PKNOX2: variants seen among roughly 807,000 people sequenced by gnomAD.
The protein encoded by PKNOX2 is PBX/knotted 1 homeobox 2.
PKNOX2 carries 14 observed loss-of-function variants against 53.1 expected under a neutral mutation model. The ratio of observed to expected loss-of-function variants is 0.26; its 90% CI spans 0.17 to 0.41. The LOEUF is 0.41. Ranked by LOEUF, PKNOX2 falls within the 10% of genes least tolerant of loss-of-function variation. The pLI, the probability that PKNOX2 is intolerant of heterozygous loss-of-function variation, is 1.00. For synonymous variants in PKNOX2, 257 were observed against 242.8 expected, an observed-to-expected ratio of 1.06 and a Z score of -0.54; for missense variants, 496 against 602.8, an observed-to-expected ratio of 0.82 and a Z score of 1.85.
At chr11:125,416,302 C>CAAAAAAA (rs61354494) in intron 10 of PKNOX2, among the ~76,000 whole-genome samples, 9 of 70,444 alleles carry the variant, frequency 1.3e-4, no homozygotes, top group South Asian at 6.1e-4. Context: ...GACGCCGTCT[C>CAAAAAAA]AAAAAAAAAA....
rs1016711585 is a variant in PKNOX2 at position 125,388,650 on chromosome 11, T to C, written c.399+2928T>C. On this transcript the variant is annotated intron_variant, in intron 6 of 12. Transcript: ENST00000298282. ...TCTCCCAGGCCCTGTAAGCCTGTGG[T>C]CTCCAGCCCCAACAAGCCCCGCATT... Among the ~76,000 whole-genome samples the C allele has an allele frequency of 6.6e-5, 10 of 151,880 alleles. 1 individual carries two copies. The highest frequency in any genetic ancestry group is 2.4e-4 in the African/African-American group (10 of 41,360).
At chr11:125,409,104 G>C (rs1955306902) in intron 7 of PKNOX2, among the ~76,000 whole-genome samples, 1 of 152,128 alleles carries the variant, frequency 6.6e-6, no homozygotes, top group African/African-American at 2.4e-5. Flanking sequence ...ACTCAGGCAG[G>C]CCTCCTGAGG....
At chr11:125,302,352 A>C (rs916488820) in intron 2 of PKNOX2, among the ~76,000 whole-genome samples, 1 of 152,194 alleles carries the variant, frequency 6.6e-6, no homozygotes, top group Non-Finnish European at 1.5e-5. Flanking sequence ...AGCCCCTGAC[A>C]ATCAAGTGAG....
intron 1 of PKNOX2, among the ~76,000 whole-genome samples, chr11:125,221,521 C>T (rs936443565): frequency 6.6e-6 from 1 of 152,102 alleles, no homozygotes; most frequent in Admixed American, 6.5e-5. Flanking sequence ...GCAGCCACGC[C>T]GTTTAGTGTT....
chr11:125,179,131 T>C (rs1040358247), intron 1 of PKNOX2, among the ~76,000 whole-genome samples: 2 of 152,172 alleles, frequency 1.3e-5, no homozygotes, highest in African/African-American at 4.8e-5. Flanking sequence ...TGAGGATTTA[T>C]TCATTCTTTC....
chr11:125,426,973 G>A lies in PKNOX2; in HGVS notation c.937-2039G>A, dbSNP rs138206050. Among the ~76,000 whole-genome samples the A allele has an allele frequency of 7.3e-3, 1,105 of 152,346 alleles. 15 individuals are homozygous for A. The highest frequency in any genetic ancestry group is 0.024 in the African/African-American group (1,013 of 41,572). The stretch of plus-strand genomic sequence containing the variant: ...CGCGAGGACAGGCAGGAGGAAGCGC[G>A]CTCCAGAGGAGGGCCAGCACGTGCG... On this transcript the variant is annotated intron_variant, in intron 10 of 12. Transcript: ENST00000298282.
At chr11:125,327,970 T>A (rs990825699) in intron 2 of PKNOX2, among the ~76,000 whole-genome samples, 3 of 152,210 alleles carry the variant, frequency 2.0e-5, no homozygotes, top group Non-Finnish European at 2.9e-5. Flanking sequence ...TCCCTAATAT[T>A]GGAGTGATTC....
intron 2 of PKNOX2, among the ~76,000 whole-genome samples, chr11:125,265,248 T>C (rs533435636): frequency 2.0e-5 from 3 of 151,728 alleles, no homozygotes; most frequent in East Asian, 3.9e-4. Flanking sequence ...GATCGCACCA[T>C]TGTACTCCAC....
At chr11:125,256,388 T>A (rs1343751362) in intron 2 of PKNOX2, among the ~76,000 whole-genome samples, 1 of 152,110 alleles carries the variant, frequency 6.6e-6, no homozygotes, top group Non-Finnish European at 1.5e-5. Context: ...GAATCAAGTA[T>A]CCTCCTTCCT....
At chr11:125,312,333 A>G (rs1195216217) in intron 2 of PKNOX2, among the ~76,000 whole-genome samples, 5 of 152,162 alleles carry the variant, frequency 3.3e-5, no homozygotes. Flanking sequence ...GGAGGGGAGG[A>G]CCAGGAAGGC....
chr11:125,237,045 A>C (rs1942751674), intron 2 of PKNOX2, among the ~76,000 whole-genome samples: 1 of 152,168 alleles, frequency 6.6e-6, no homozygotes, highest in East Asian at 1.9e-4. Context: ...GCCACCATGG[A>C]ATCTCAGTGG....
intron 6 of PKNOX2, among the ~76,000 whole-genome samples, chr11:125,396,302 G>C (rs1204936160): frequency 6.6e-6 from 1 of 151,658 alleles, no homozygotes; most frequent in African/African-American, 2.4e-5. Flanking sequence ...CCTCACCCTA[G>C]ATCCTGAAGA....
rs187639853 is a variant in PKNOX2 at position 125,379,100 on chromosome 11, G to T, written c.228-6451G>T. On this transcript the variant is annotated intron_variant, in intron 5 of 12. Transcript: ENST00000298282. Reference sequence around the variant, plus strand: ...TTTTGAGACAGAGTCTCAATCTGTCGCCCAGGCTGGAGTTCAGTGGCGAGA... The same window carrying T: ...TTTTGAGACAGAGTCTCAATCTGTCTCCCAGGCTGGAGTTCAGTGGCGAGA... 2.2e-5 allele frequency among the ~76,000 whole-genome samples: 3 copies of T among 138,922 alleles called. No homozygotes were observed. In the Admixed American group the frequency reaches 2.4e-4, roughly 11 times the overall value. The allele number at this position is 138,922 out of a possible 152,430, so 91.1% of individuals were successfully genotyped here. A position where few individuals can be genotyped will look rare whatever the true frequency, so the allele number is the denominator to read the frequency against.
intron 5 of PKNOX2, among the ~76,000 whole-genome samples, chr11:125,372,360 GCA>G (rs1952606278): frequency 6.7e-6 from 1 of 150,120 alleles, no homozygotes; most frequent in Admixed American, 6.6e-5. Flanking sequence ...GGTTCCAGGC[GCA>G]CAGTCTCTAG....
At chr11:125,251,266 T>G (rs762683920) in intron 2 of PKNOX2, among the ~76,000 whole-genome samples, 3 of 152,228 alleles carry the variant, frequency 2.0e-5, no homozygotes, top group Non-Finnish European at 4.4e-5. Flanking sequence ...TATTATCATT[T>G]CGCCCAACTC....
chr11:125,386,904 C>T (rs1379883563), intron 6 of PKNOX2, among the ~76,000 whole-genome samples: 1 of 152,058 alleles, frequency 6.6e-6, no homozygotes, highest in Non-Finnish European at 1.5e-5. Flanking sequence ...TGTGAAGTGT[C>T]ATGATGGGTG....
chr11:125,288,955 G>A (rs901384857), intron 2 of PKNOX2, among the ~76,000 whole-genome samples: 1 of 151,806 alleles, frequency 6.6e-6, no homozygotes, highest in Non-Finnish European at 1.5e-5. Flanking sequence ...CTGTCTCCAT[G>A]GTAAAATTAC....
intron 5 of PKNOX2, among the ~76,000 whole-genome samples, chr11:125,373,980 G>A (rs547364475): frequency 1.3e-5 from 2 of 152,190 alleles, no homozygotes; most frequent in South Asian, 2.1e-4. Flanking sequence ...TGGATGGGGT[G>A]GGAGGAATCT....
chr11:125,341,991 C>A (rs1343028076), intron 3 of PKNOX2, among the ~76,000 whole-genome samples: 1 of 152,208 alleles, frequency 6.6e-6, no homozygotes, highest in Non-Finnish European at 1.5e-5. Context: ...TCTAGCCGAT[C>A]CCATTGCCAT....
Sources: allele counts gnomAD v4.1 joint callset (sites outside exome capture counted in the v4.1 genomes callset), GRCh38; gene constraint gnomAD v4.1.1; transcripts MANE v1.5; gene names NCBI Gene and HGNC (gene_info 2026-07-23, HGNC 2026-07-21).